The following SGMS2 variants were observed in gnomAD, a reference collection of about 807,000 sequenced individuals.
The protein encoded by SGMS2 is phosphatidylcholine:ceramide cholinephosphotransferase 2.
Under a neutral mutation model 43.8 loss-of-function variants are expected in SGMS2, and 21 were observed. The ratio of observed to expected loss-of-function variants is 0.48; its 90% CI spans 0.34 to 0.69. SGMS2 has a LOEUF of 0.69. Ranked by LOEUF, SGMS2 falls within the 30% of genes least tolerant of loss-of-function variation. The pLI, the probability that SGMS2 is intolerant of heterozygous loss-of-function variation, is 0.01. For synonymous variants in SGMS2, 167 were observed against 160.6 expected (o/e 1.04, Z -0.30); for missense variants, 384 against 443.2 (o/e 0.87, Z 1.20).
chr4:107,835,980 C>T (rs1726147410), intron 1 of SGMS2, among the ~76,000 whole-genome samples: 1 of 152,142 alleles, frequency 6.6e-6, no homozygotes, highest in South Asian at 2.1e-4. Flanking sequence ...AGTTTTCGAA[C>T]AGCCACATTA....
At chr4:107,870,959 T>G (rs949274662) in intron 2 of SGMS2, among the ~76,000 whole-genome samples, 2 of 152,226 alleles carry the variant, frequency 1.3e-5, no homozygotes, top group African/African-American at 4.8e-5. Flanking sequence ...ATCTTTTAGC[T>G]TCCTAATGCT....
At chr4:107,828,611 C>A (rs1322069611) in intron 1 of SGMS2, among the ~76,000 whole-genome samples, 2 of 152,196 alleles carry the variant, frequency 1.3e-5, no homozygotes, top group African/African-American at 4.8e-5. Flanking sequence ...CTATTTTAAG[C>A]AGCTCTGCAT....
chr4:107,840,740 G>T (rs1228780431), intron 1 of SGMS2, among the ~76,000 whole-genome samples: 4 of 152,196 alleles, frequency 2.6e-5, no homozygotes, highest in Non-Finnish European at 5.9e-5. Context: ...AGATCCTGGA[G>T]AAATTTTTGG....
intron 1 of SGMS2, among the ~76,000 whole-genome samples, chr4:107,837,528 G>A (rs977999522): frequency 5.3e-5 from 8 of 152,272 alleles, no homozygotes; most frequent in South Asian, 4.1e-4. Flanking sequence ...TGGGTGTGGC[G>A]AGGCAGGCAG....
At chr4:107,832,546 CAG>C (rs1725948882) in intron 1 of SGMS2, among the ~76,000 whole-genome samples, 1 of 152,186 alleles carries the variant, frequency 6.6e-6, no homozygotes, top group African/African-American at 2.4e-5. Flanking sequence ...AGCTTGACTG[CAG>C]AGTCTAATCA....
chr4:107,841,686 C>T (rs1726513982), intron 1 of SGMS2, among the ~76,000 whole-genome samples: 1 of 151,570 alleles, frequency 6.6e-6, no homozygotes, highest in Non-Finnish European at 1.5e-5. Context: ...TTTTAAGAGA[C>T]AGGGTCTCAC....
Position 107,858,011 on chromosome 4 carries a change from C to G in SGMS2, c.-326-461C>G, listed in dbSNP as rs187121481. Among the ~76,000 whole-genome samples, 490 of 122,340 alleles carry G rather than the reference C, an allele frequency of 4.0e-3. 1 individual carries two copies. The highest frequency in any genetic ancestry group is 5.2e-3 in the Non-Finnish European group (307 of 58,630). 80.3% of individuals were successfully genotyped at this position (122,340 alleles called of 152,430 possible). A position where few individuals can be genotyped will look rare whatever the true frequency, so the allele number is the denominator to read the frequency against. ...TTACTCTTCTTTTGTAGCTGCCCCA[C>G]CCCCCCCATCCCCAACCCTTATTAA... On this transcript the variant is annotated intron_variant, in intron 1 of 6. Coordinates refer to ENST00000690982, the MANE Select transcript of SGMS2 (RefSeq NM_001375905.1).
At chr4:107,849,051 T>G (rs1726990955) in intron 1 of SGMS2, among the ~76,000 whole-genome samples, 1 of 152,176 alleles carries the variant, frequency 6.6e-6, no homozygotes, top group African/African-American at 2.4e-5. Flanking sequence ...GAAGTCGGGT[T>G]GTTCAGCACA....
Position 107,910,672 on chromosome 4 carries a change from G to A in SGMS2, c.*119G>A, listed in dbSNP as rs1174279787. ...TAAATGAAGAAATGGACCAAATTTTGTGTAAACGATTAGAAAGATGAACAA... is the reference window on the plus strand; with the variant it reads ...TAAATGAAGAAATGGACCAAATTTTATGTAAACGATTAGAAAGATGAACAA... On this transcript the variant is annotated 3_prime_UTR_variant, in exon 7 of 7. Transcript: ENST00000690982. The A allele has an allele frequency of 1.1e-6, 1 of 875,352 alleles. No homozygotes were observed. Among genetic ancestry groups the A allele is most frequent in the East Asian group, 2.7e-5 (1 of 37,630 alleles). The allele number at this position is 875,352 out of a possible 1,614,324, so 54.2% of individuals were successfully genotyped here. A position where few individuals can be genotyped will look rare whatever the true frequency, so the allele number is the denominator to read the frequency against.
intron 2 of SGMS2, among the ~76,000 whole-genome samples, chr4:107,868,656 T>C (rs1728318411): frequency 6.6e-6 from 1 of 151,914 alleles, no homozygotes; most frequent in Non-Finnish European, 1.5e-5. Context: ...AGGAGGAGGT[T>C]GCAGTGAGCC....
At chr4:107,898,187 A>G (rs1730828864) in intron 3 of SGMS2, among the ~76,000 whole-genome samples, 3 of 152,012 alleles carry the variant, frequency 2.0e-5, no homozygotes, top group Admixed American at 2.0e-4. Flanking sequence ...GCAGAACTAG[A>G]ATAGCAAGCC....
chr4:107,851,442 C>G (rs1000140210), intron 1 of SGMS2, among the ~76,000 whole-genome samples: 1 of 152,138 alleles, frequency 6.6e-6, no homozygotes, highest in Non-Finnish European at 1.5e-5. Context: ...TAATTACCAT[C>G]CAGTCAACGA....
At chr4:107,842,255 G>C (rs1265695608) in intron 1 of SGMS2, among the ~76,000 whole-genome samples, 4 of 152,152 alleles carry the variant, frequency 2.6e-5, no homozygotes, top group Non-Finnish European at 4.4e-5. Context: ...CTGTTCTGCA[G>C]ACAGTACAAG....
intron 2 of SGMS2, among the ~76,000 whole-genome samples, chr4:107,875,433 C>T (rs1452038697): frequency 1.3e-5 from 2 of 152,116 alleles, no homozygotes; most frequent in African/African-American, 4.8e-5. Flanking sequence ...TGTGTTCTTA[C>T]TTATAAGTGG....
chr4:107,886,230 C>T (rs1729739653), intron 2 of SGMS2, among the ~76,000 whole-genome samples: 1 of 151,758 alleles, frequency 6.6e-6, no homozygotes. Context: ...GACAGGGTCT[C>T]ACTCCATCAC....
chr4:107,910,565 A>G lies in SGMS2; in HGVS notation c.*12A>G, dbSNP rs948268947. 7.4e-6 allele frequency: 12 copies of G among 1,612,712 alleles called. No homozygotes were observed. Among genetic ancestry groups the G allele is most frequent in the Non-Finnish European group, 1.0e-5 (12 of 1,179,204 alleles). ...AGAAATCGACCTGAGGAGCAAAACA[A>G]AGGCATCAGCTCTTACACCAAAAGA... is the stretch of plus-strand genomic sequence containing the variant. On this transcript the variant is annotated 3_prime_UTR_variant, in exon 7 of 7. Coordinates refer to ENST00000690982, the MANE Select transcript of SGMS2 (RefSeq NM_001375905.1).
intron 3 of SGMS2, among the ~76,000 whole-genome samples, chr4:107,897,563 CA>C: frequency 6.6e-6 from 1 of 152,128 alleles, no homozygotes; most frequent in Non-Finnish European, 1.5e-5. Context: ...CCCTGAAGTA[CA>C]GTCTTTCCCT....
At chr4:107,852,866 C>A (rs1359141686) in intron 1 of SGMS2, among the ~76,000 whole-genome samples, 2 of 151,906 alleles carry the variant, frequency 1.3e-5, no homozygotes, top group African/African-American at 4.8e-5. Context: ...CCCTGGAAAG[C>A]AGTGTAATAA....
Position 107,844,877 on chromosome 4 carries a change from A to ATCCT in SGMS2, c.-326-13594_-326-13593insCCTT, listed in dbSNP as rs373139476. Among the ~76,000 whole-genome samples, 737 of 152,284 alleles carry ATCCT rather than the reference A, an allele frequency of 4.8e-3. 8 individuals are homozygous for ATCCT. Among genetic ancestry groups the ATCCT allele is most frequent in the African/African-American group, 0.017 (708 of 41,574 alleles). ...CAGATTAATTTTCTTTCAGGTGCTG[A>ATCCT]TTGATGTAGCCTTTGATCTGTCTTA... On this transcript the variant is annotated intron_variant, in intron 1 of 6. Transcript: ENST00000690982.
Sources: allele counts gnomAD v4.1 joint callset (sites outside exome capture counted in the v4.1 genomes callset), GRCh38; gene constraint gnomAD v4.1.1; transcripts MANE v1.5; gene names NCBI Gene and HGNC (gene_info 2026-07-23, HGNC 2026-07-21).